The following PLCB4 variants were observed in gnomAD, a reference collection of about 807,000 sequenced individuals.
The protein encoded by PLCB4 is 1-phosphatidylinositol 4,5-bisphosphate phosphodiesterase beta-4.
In PLCB4, 77 loss-of-function variants were observed where a neutral mutation model predicts 178.8. That is an observed-to-expected ratio of 0.43 (90% CI 0.36 to 0.52). The LOEUF (loss-of-function observed/expected upper bound fraction) is 0.52, where lower values mean the gene tolerates loss of function less well. Among genes scored for constraint, PLCB4 ranks in the 20% least tolerant of loss-of-function variants. The probability of loss-of-function intolerance (pLI) is 0.00; values close to 1 mark genes in which losing one functional copy is unlikely to be tolerated. For missense variants in PLCB4, 1,024 were observed against 1,453.4 expected (o/e 0.70, Z 4.80); for synonymous variants, 496 against 490.8 (o/e 1.01, Z -0.14).
intron 9 of PLCB4, among the ~76,000 whole-genome samples, chr20:9,367,975 A>C (rs1568665156): frequency 6.6e-6 from 1 of 152,206 alleles, no homozygotes; most frequent in Non-Finnish European, 1.5e-5. Context: ...TGGAGAATTG[A>C]TACCATGCCA....
chr20:9,194,010 T>TA (rs1348688812), intron 2 of PLCB4, among the ~76,000 whole-genome samples: 5 of 151,396 alleles, frequency 3.3e-5, no homozygotes, highest in African/African-American at 4.9e-5. Flanking sequence ...CTTTTTTTTT[T>TA]AAAAAAAATT....
chr20:9,209,085 T>G (rs1967386075), intron 2 of PLCB4, among the ~76,000 whole-genome samples: 1 of 152,260 alleles, frequency 6.6e-6, no homozygotes, highest in South Asian at 2.1e-4. Flanking sequence ...CTGCTGCTTT[T>G]AAAGAATGTC....
At chr20:9,099,667 A>G (rs556520136) in intron 2 of PLCB4, among the ~76,000 whole-genome samples, 43 of 152,194 alleles carry the variant, frequency 2.8e-4, no homozygotes, top group Non-Finnish European at 4.7e-4. Flanking sequence ...CCACAAAGCT[A>G]TTCCTAGGGG....
At chr20:9,149,375 C>A (rs905576156) in intron 2 of PLCB4, among the ~76,000 whole-genome samples, 1 of 152,176 alleles carries the variant, frequency 6.6e-6, no homozygotes, top group Non-Finnish European at 1.5e-5. Flanking sequence ...TTCACTGTCC[C>A]TCTGTGGTCT....
chr20:9,318,991 G>A (rs1198973992), intron 4 of PLCB4, among the ~76,000 whole-genome samples: 1 of 152,160 alleles, frequency 6.6e-6, no homozygotes, highest in Non-Finnish European at 1.5e-5. Context: ...TTTAATTAGG[G>A]TTGATGAGTG....
intron 2 of PLCB4, among the ~76,000 whole-genome samples, chr20:9,114,003 C>T (rs1366857242): frequency 2.0e-5 from 3 of 152,082 alleles, no homozygotes; most frequent in Non-Finnish European, 4.4e-5. Flanking sequence ...CACTTGAGAT[C>T]AGAAGTTTGA....
intron 39 of PLCB4, 76 bp from the exon 40 acceptor site, chr20:9,478,845 G>C: frequency 1.9e-6 from 2 of 1,033,126 alleles, no homozygotes; most frequent in Non-Finnish European, 3.1e-6. Context: ...ATTTATGGGA[G>C]AAGAGAGGCC....
chr20:9,187,070 G>A (rs1007486460), intron 2 of PLCB4, among the ~76,000 whole-genome samples: 1 of 152,048 alleles, frequency 6.6e-6, no homozygotes, highest in Admixed American at 6.6e-5. Flanking sequence ...CACCTTCTGG[G>A]TTCAGGCGAT....
intron 7 of PLCB4, among the ~76,000 whole-genome samples, chr20:9,356,943 C>T (rs2034884085): frequency 6.6e-6 from 1 of 152,022 alleles, no homozygotes; most frequent in Non-Finnish European, 1.5e-5. Context: ...TGGCCAGACC[C>T]CATCTCTGCA....
intron 3 of PLCB4, among the ~76,000 whole-genome samples, chr20:9,217,945 T>A (rs943964682): frequency 2.2e-4 from 33 of 152,314 alleles, no homozygotes; most frequent in African/African-American, 7.2e-4. Context: ...AATGGTTCAT[T>A]TTACAAACTT....
intron 3 of PLCB4, among the ~76,000 whole-genome samples, chr20:9,220,982 C>T (rs999455152): frequency 2.0e-5 from 3 of 152,172 alleles, no homozygotes; most frequent in African/African-American, 7.2e-5. Flanking sequence ...GTTTCTTTCA[C>T]ATTTTCTTAG....
chr20:9,387,559 A>T lies in PLCB4; in HGVS notation c.1158+3A>T. 1.4e-6 allele frequency: 2 copies of T among 1,390,466 alleles called. No homozygotes were observed. Among genetic ancestry groups the T allele is most frequent in the Non-Finnish European group, 2.0e-6 (2 of 991,918 alleles). The allele number at this position is 1,390,466 out of a possible 1,614,324, so 86.1% of individuals were successfully genotyped here. A position where few individuals can be genotyped will look rare whatever the true frequency, so the allele number is the denominator to read the frequency against. Reference sequence around the variant, plus strand: ...TGTGTACAGATATCCTTTTTAAGGTAACTTTAAAAATAATTACACAGACTT... The same window carrying T: ...TGTGTACAGATATCCTTTTTAAGGTTACTTTAAAAATAATTACACAGACTT... On this transcript the variant is annotated splice_donor_region_variant and intron_variant, in intron 15 of 39. Transcript: ENST00000378473.
chr20:9,410,377 A>G (rs2039772392), intron 24 of PLCB4, among the ~76,000 whole-genome samples: 1 of 152,230 alleles, frequency 6.6e-6, no homozygotes. Context: ...GTGAGTCCAT[A>G]ATATGGATTA....
intron 7 of PLCB4, among the ~76,000 whole-genome samples, chr20:9,343,623 C>CT (rs1156955564): frequency 2.4e-4 from 37 of 152,330 alleles, no homozygotes; most frequent in African/African-American, 8.4e-4. Flanking sequence ...GCTTCTCTCT[C>CT]TGCTTTGAGA....
At chr20:9,368,815 G>C (rs2035997453) in intron 9 of PLCB4, among the ~76,000 whole-genome samples, 1 of 152,146 alleles carries the variant, frequency 6.6e-6, no homozygotes, top group Non-Finnish European at 1.5e-5. Context: ...ACTCTAATAG[G>C]ACTGGACACA....
intron 14 of PLCB4, among the ~76,000 whole-genome samples, chr20:9,385,737 G>T (rs1395180809): frequency 2.6e-5 from 4 of 151,050 alleles, no homozygotes; most frequent in African/African-American, 9.7e-5. Context: ...TCCCAGACGG[G>T]GCGGCCGGGC....
intron 7 of PLCB4, among the ~76,000 whole-genome samples, chr20:9,348,818 G>A (rs549351514): frequency 6.6e-6 from 1 of 152,296 alleles, no homozygotes; most frequent in South Asian, 2.1e-4. Context: ...TTTGTCACCT[G>A]TATCAGTGAA....
chr20:9,302,427 T>A (rs1438094835), intron 3 of PLCB4, among the ~76,000 whole-genome samples: 2 of 152,146 alleles, frequency 1.3e-5, no homozygotes, highest in African/African-American at 2.4e-5. Flanking sequence ...CATTGTACCA[T>A]GTGTGTAAAA....
At chr20:9,081,629 G>A (rs1456863919) in intron 1 of PLCB4, among the ~76,000 whole-genome samples, 1 of 152,072 alleles carries the variant, frequency 6.6e-6, no homozygotes, top group Non-Finnish European at 1.5e-5. Flanking sequence ...TTTAGCCACA[G>A]CATGACTCTC....
Sources: gnomAD v4.1 joint callset for allele counts (sites outside exome capture counted in the v4.1 genomes callset) on GRCh38, gnomAD v4.1.1 for gene constraint, MANE v1.5 for transcripts, NCBI Gene and HGNC (gene_info 2026-07-23, HGNC 2026-07-21) for gene names.